The following PLCB1 variants were observed in gnomAD, a reference collection of about 807,000 sequenced individuals.
PLCB1 encodes the protein 1-phosphatidylinositol 4,5-bisphosphate phosphodiesterase beta-1.
In PLCB1, 46 loss-of-function variants were observed where a neutral mutation model predicts 161.8. That is an observed-to-expected ratio of 0.28 (90% CI 0.22 to 0.36). The LOEUF is 0.36. Ranked by LOEUF, PLCB1 falls within the 10% of genes least tolerant of loss-of-function variation. The pLI is 1.00. For synonymous variants in PLCB1, 517 were observed against 503.7 expected, an observed-to-expected ratio of 1.03 and a Z score of -0.35; for missense variants, 1,016 against 1,472.5, an observed-to-expected ratio of 0.69 and a Z score of 5.07.
In PLCB1 at chr20:8,656,484, A is replaced by C. The variant is rs535033893; in HGVS notation, c.595-700A>C. The stretch of plus-strand genomic sequence containing the variant: ...TGCATGAAAAATGTCTTTCCTGTTA[A>C]CAAAGGCTTGAATACATGCTTCCGG... On this transcript the variant is annotated intron_variant, in intron 7 of 31. Coordinates refer to ENST00000338037, the MANE Select transcript of PLCB1 (RefSeq NM_015192.4). Among the ~76,000 whole-genome samples, 11 of 152,222 alleles carry C rather than the reference A, an allele frequency of 7.2e-5. No individual in the cohort carries two copies. In the South Asian group the frequency reaches 2.3e-3, roughly 32 times the overall value.
intron 25 of PLCB1, 64 bp downstream of exon 25, chr20:8,760,524 G>A: frequency 2.7e-6 from 3 of 1,128,356 alleles, no homozygotes; most frequent in Non-Finnish European, 3.9e-6. Flanking sequence ...GAAGTATTTA[G>A]AGGAGAGGAA....
intron 31 of PLCB1, among the ~76,000 whole-genome samples, chr20:8,852,216 C>T (rs779809265): frequency 6.6e-6 from 1 of 152,130 alleles, no homozygotes; most frequent in African/African-American, 2.4e-5. Flanking sequence ...CTGACATTAG[C>T]GAATATCTTT....
chr20:8,575,738 C>T (rs1986655271), intron 3 of PLCB1, among the ~76,000 whole-genome samples: 1 of 152,208 alleles, frequency 6.6e-6, no homozygotes, highest in Non-Finnish European at 1.5e-5. Context: ...AATCATCTTG[C>T]AATCTGAAAT....
At chr20:8,352,237 G>T (rs772092113) in intron 2 of PLCB1, among the ~76,000 whole-genome samples, 11 of 152,072 alleles carry the variant, frequency 7.2e-5, no homozygotes, top group Non-Finnish European at 1.6e-4. Flanking sequence ...GTCTGAAAAG[G>T]CTGCATCTTG....
intron 9 of PLCB1, among the ~76,000 whole-genome samples, chr20:8,660,567 T>C (rs1600232201): frequency 6.6e-6 from 1 of 152,036 alleles, no homozygotes; most frequent in South Asian, 2.1e-4. Flanking sequence ...CCATACATCA[T>C]CCTCTGATGA....
chr20:8,555,533 C>A (rs114887908), intron 3 of PLCB1, among the ~76,000 whole-genome samples: 39 of 152,214 alleles, frequency 2.6e-4, no homozygotes, highest in African/African-American at 8.2e-4. Context: ...AACACACTTT[C>A]TACTTCCTGT....
At chr20:8,508,982 C>A (rs189053427) in intron 3 of PLCB1, among the ~76,000 whole-genome samples, 7 of 152,252 alleles carry the variant, frequency 4.6e-5, no homozygotes, top group Non-Finnish European at 4.4e-5. Context: ...AAGAAAAATT[C>A]TTTCAGATAA....
At chr20:8,728,040 A>C (rs1980033539) in intron 17 of PLCB1, among the ~76,000 whole-genome samples, 1 of 152,134 alleles carries the variant, frequency 6.6e-6, no homozygotes, top group African/African-American at 2.4e-5. Context: ...GAATAAAGTT[A>C]ACCTTTAAAA....
intron 9 of PLCB1, among the ~76,000 whole-genome samples, chr20:8,673,922 G>A (rs1350730549): frequency 6.6e-6 from 1 of 152,134 alleles, no homozygotes; most frequent in Non-Finnish European, 1.5e-5. Context: ...TTTGCTGACA[G>A]CTCTCTTTAG....
At chr20:8,495,790 G>A (rs530433170) in intron 3 of PLCB1, among the ~76,000 whole-genome samples, 1 of 152,186 alleles carries the variant, frequency 6.6e-6, no homozygotes, top group South Asian at 2.1e-4. Context: ...TTCCTACCGT[G>A]GGGCCTTTGT....
chr20:8,578,501 T>G (rs1194407355), intron 3 of PLCB1, among the ~76,000 whole-genome samples: 6 of 152,190 alleles, frequency 3.9e-5, no homozygotes, highest in African/African-American at 1.4e-4. Flanking sequence ...GAAGTTGTGA[T>G]GGAGAACACA....
At chr20:8,262,577 G>A (rs1245859328) in intron 2 of PLCB1, among the ~76,000 whole-genome samples, 4 of 152,142 alleles carry the variant, frequency 2.6e-5, no homozygotes, top group African/African-American at 9.7e-5. Context: ...GAGTCTAGGT[G>A]TACCTGGCTA....
At chr20:8,135,929 T>A (rs2051341727) in intron 1 of PLCB1, among the ~76,000 whole-genome samples, 1 of 152,068 alleles carries the variant, frequency 6.6e-6, no homozygotes, top group Non-Finnish European at 1.5e-5. Flanking sequence ...CTTGGGAGAT[T>A]GTGAGAGAAG....
At chr20:8,845,398 T>G (rs1306638166) in intron 31 of PLCB1, among the ~76,000 whole-genome samples, 1 of 152,230 alleles carries the variant, frequency 6.6e-6, no homozygotes, top group Admixed American at 6.5e-5. Context: ...GTTCTTTCTG[T>G]ATTTTCTTGC....
intron 2 of PLCB1, among the ~76,000 whole-genome samples, chr20:8,233,392 G>T (rs909177063): frequency 6.6e-6 from 1 of 152,136 alleles, no homozygotes; most frequent in African/African-American, 2.4e-5. Context: ...TGTACTGTGT[G>T]CCAGGCAAGG....
At chr20:8,528,675 C>T (rs975139621) in intron 3 of PLCB1, among the ~76,000 whole-genome samples, 5 of 151,858 alleles carry the variant, frequency 3.3e-5, no homozygotes, top group African/African-American at 7.3e-5. Flanking sequence ...GAACCAATGC[C>T]GGGATTTCCG....
intron 26 of PLCB1, 119 bp from the exon 27 acceptor site, chr20:8,774,417 GGCT>G: frequency 1.1e-6 from 1 of 916,196 alleles, no homozygotes; most frequent in Non-Finnish European, 1.6e-6. Context: ...TACCCCAAGT[GGCT>G]TATGAAAATA....
Position 8,309,311 on chromosome 20 carries a change from C to A in PLCB1, c.178-62071C>A, listed in dbSNP as rs1319558666. ...GAGGCACAGAGGGAAATCCTCCCTA[C>A]CCCCGAATAATGCACAAGACCTTAC... is the stretch of plus-strand genomic sequence containing the variant. On this transcript the variant is annotated intron_variant, in intron 2 of 31. Transcript: ENST00000338037. Among the ~76,000 whole-genome samples the A allele has an allele frequency of 3.9e-5, 6 of 152,106 alleles. No homozygotes were observed. The East Asian group carries it at 7.7e-4, about 20-fold the overall frequency.
At chr20:8,692,799 T>C (rs1600255395) in intron 10 of PLCB1, among the ~76,000 whole-genome samples, 1 of 152,144 alleles carries the variant, frequency 6.6e-6, no homozygotes, top group African/African-American at 2.4e-5. Flanking sequence ...GTGACCCTTC[T>C]AAGAGTGAAG....
Sources: allele counts gnomAD v4.1 joint callset (sites outside exome capture counted in the v4.1 genomes callset), GRCh38; gene constraint gnomAD v4.1.1; transcripts MANE v1.5; gene names NCBI Gene and HGNC (gene_info 2026-07-23, HGNC 2026-07-21).